CASR: variants seen among roughly 807,000 people sequenced by gnomAD.
CASR encodes the protein extracellular calcium-sensing receptor.
In CASR, 23 loss-of-function variants were observed where a neutral mutation model predicts 69.1. The ratio of observed to expected loss-of-function variants is 0.33; its 90% CI spans 0.24 to 0.47. CASR has a LOEUF of 0.47. Among genes scored for constraint, CASR ranks in the 20% least tolerant of loss-of-function variants. CASR has a pLI of 1.00. For synonymous variants in CASR, 541 were observed against 544.7 expected (o/e 0.99, Z 0.10); for missense variants, 924 against 1,356.1 (o/e 0.68, Z 5.00).
chr3:122,270,608 CTTTCT>C (rs1376452823), intron 4 of CASR, among the ~76,000 whole-genome samples: 13 of 152,076 alleles, frequency 8.5e-5, no homozygotes, highest in Non-Finnish European at 7.4e-5. Context: ...ATTTAAAAAC[CTTTCT>C]TTTCTTATAA....
At chr3:122,253,128 G>A (rs946645421) in intron 1 of CASR, among the ~76,000 whole-genome samples, 4 of 152,208 alleles carry the variant, frequency 2.6e-5, no homozygotes, top group Non-Finnish European at 5.9e-5. Context: ...ACTGAAACCA[G>A]AGACCTGCAC....
chr3:122,220,164 C>G (rs1225397047), intron 1 of CASR, among the ~76,000 whole-genome samples: 1 of 152,178 alleles, frequency 6.6e-6, no homozygotes, highest in Non-Finnish European at 1.5e-5. Flanking sequence ...GAAGAGACAC[C>G]TGATCCCAAG....
rs1163251100 is a variant in CASR at position 122,288,537 on chromosome 3, T to A, written c.*3346T>A. 2.0e-5 allele frequency: 3 copies of A among 152,204 alleles called. No homozygotes were observed. Among genetic ancestry groups the A allele is most frequent in the Non-Finnish European group, 4.4e-5 (3 of 68,074 alleles). The allele number at this position is 152,204 out of a possible 1,614,324, so 9.4% of individuals were successfully genotyped here. On this transcript the variant is annotated 3_prime_UTR_variant, in exon 7 of 7. Transcript: ENST00000639785. ...CAGAGATCTATTCCTGTTCTCACTGTGGTCCTCTTCCCTTCACCTAGCTCA... is the reference window on the plus strand; with the variant it reads ...CAGAGATCTATTCCTGTTCTCACTGAGGTCCTCTTCCCTTCACCTAGCTCA...
At chr3:122,273,838 G>C (rs79856153) in intron 4 of CASR, among the ~76,000 whole-genome samples, 45 of 152,282 alleles carry the variant, frequency 3.0e-4, no homozygotes, top group African/African-American at 1.0e-3. Flanking sequence ...CAAGAAGGAT[G>C]TGTCAGGAAA....
intron 1 of CASR, among the ~76,000 whole-genome samples, chr3:122,225,554 CAAA>C (rs33940289): frequency 0.23 from 27,450 of 120,436 alleles, 3,079 homozygotes; most frequent in African/African-American, 0.37. Flanking sequence ...CTAAAAAGTC[CAAA>C]AAAAAAAAAA....
At chr3:122,231,825 T>G (rs186657761) in intron 1 of CASR, among the ~76,000 whole-genome samples, 2 of 151,774 alleles carry the variant, frequency 1.3e-5, no homozygotes, top group South Asian at 2.1e-4. Flanking sequence ...CACTAAACAA[T>G]TTACCTTGCA....
At position 122,217,800 on chromosome 3, in the gene CASR, G is replaced by A. The variant is rs937739232; in HGVS notation, c.-243+33988G>A. Among the ~76,000 whole-genome samples, 4 of 152,068 alleles carry A rather than the reference G, an allele frequency of 2.6e-5. No individual in the cohort carries two copies. The East Asian group carries it at 7.7e-4, about 29-fold the overall frequency. On this transcript the variant is annotated intron_variant, in intron 1 of 6. Transcript: ENST00000639785. ...GACAAAATTTCAGGTACTTAGCATA[G>A]CCTGCCACAGAAAAAAAAATGTTCA...
At chr3:122,239,928 T>C (rs2074364480) in intron 1 of CASR, among the ~76,000 whole-genome samples, 1 of 152,044 alleles carries the variant, frequency 6.6e-6, no homozygotes, top group Non-Finnish European at 1.5e-5. Flanking sequence ...GAGTTACTGG[T>C]CTTAAAAAAC....
Position 122,275,941 on chromosome 3 carries a change from A to G in CASR, c.1507A>G (p.Ile503Val), listed in dbSNP as rs200910001. ...NWHLSPEDGS[I>V]VFKEVGYYNV... is the part of the protein sequence containing the mutation. Reference sequence around the variant, plus strand: ...GCACCTCTCCCCAGAGGATGGCTCCATCGTGTTTAAGGAAGTCGGGTATTA... The same window carrying G: ...GCACCTCTCCCCAGAGGATGGCTCCGTCGTGTTTAAGGAAGTCGGGTATTA... The change falls in exon 5 of 7, where the codon ATC (isoleucine) becomes GTC (valine). Residue 503 changes from isoleucine to valine, a missense_variant. Transcript: ENST00000639785. 3.1e-6 allele frequency: 5 copies of G among 1,614,116 alleles called. No homozygotes were observed. Among genetic ancestry groups the G allele is most frequent in the African/African-American group, 1.3e-5 (1 of 75,054 alleles).
rs1263584702 is a variant in CASR at position 122,284,705 on chromosome 3, G to C, written c.2751G>C (p.Lys917Asn). The C allele has an allele frequency of 1.2e-6, 2 of 1,613,828 alleles. No homozygotes were observed. Among genetic ancestry groups the C allele is most frequent in the Non-Finnish European group, 1.7e-6 (2 of 1,179,742 alleles). The change falls in exon 7 of 7, where the codon AAG becomes AAC. Residue 917 changes from lysine (K) to asparagine (N), a missense_variant. Physicochemically the swap from Lys to Asn is moderately conservative, Grantham distance 94. Coordinates refer to ENST00000639785, the MANE Select transcript of CASR (RefSeq NM_000388.4). ...GSTPSSSISS[K>N]SNSEDPFPQP... is the part of the protein sequence containing the mutation. ...CCCCCTCCTCCTCCATCAGCAGCAA[G>C]AGCAACAGCGAAGACCCATTCCCAC... is the stretch of plus-strand genomic sequence containing the variant.
intron 1 of CASR, among the ~76,000 whole-genome samples, chr3:122,235,985 G>A (rs1195644303): frequency 6.6e-6 from 1 of 152,210 alleles, no homozygotes; most frequent in East Asian, 1.9e-4. Context: ...AGGTTGGGAT[G>A]GGATTCGTGT....
At chr3:122,204,279 T>A (rs1381422408) in intron 1 of CASR, among the ~76,000 whole-genome samples, 2 of 152,194 alleles carry the variant, frequency 1.3e-5, no homozygotes. Flanking sequence ...CTCCTCTCTG[T>A]TTTCATGAGA....
intron 1 of CASR, among the ~76,000 whole-genome samples, chr3:122,233,322 A>G (rs1436996401): frequency 6.6e-6 from 1 of 152,218 alleles, no homozygotes; most frequent in Admixed American, 6.5e-5. Context: ...AGGGCTGGCC[A>G]TGAGAAGCAA....
chr3:122,231,343 G>T (rs2074276039), intron 1 of CASR, among the ~76,000 whole-genome samples: 1 of 152,192 alleles, frequency 6.6e-6, no homozygotes, highest in South Asian at 2.1e-4. Flanking sequence ...AAGTCATCAT[G>T]CTGATCAATT....
chr3:122,252,344 G>GA (rs1553765605), intron 1 of CASR, among the ~76,000 whole-genome samples: 6,100 of 48,232 alleles, frequency 0.13, 836 homozygotes, highest in African/African-American at 0.19. Flanking sequence ...GAGAAAGAAA[G>GA]AAGAAAGAAA....
At chr3:122,249,393 CT>C (rs1192072425) in intron 1 of CASR, among the ~76,000 whole-genome samples, 2 of 152,232 alleles carry the variant, frequency 1.3e-5, no homozygotes, top group African/African-American at 4.8e-5. Context: ...AAAATTTCAA[CT>C]TTCTTTCCCT....
chr3:122,191,598 C>T (rs2073840738), intron 1 of CASR, among the ~76,000 whole-genome samples: 1 of 152,140 alleles, frequency 6.6e-6, no homozygotes, highest in African/African-American at 2.4e-5. Context: ...AGGCATAAGC[C>T]ACCATGCCTG....
At chr3:122,237,898 CA>C (rs1343433794) in intron 1 of CASR, among the ~76,000 whole-genome samples, 1 of 152,178 alleles carries the variant, frequency 6.6e-6, no homozygotes, top group Non-Finnish European at 1.5e-5. Flanking sequence ...TAAAGATACA[CA>C]AATTCTATGA....
intron 1 of CASR, among the ~76,000 whole-genome samples, chr3:122,186,733 A>G (rs766585994): frequency 6.6e-5 from 10 of 152,216 alleles, no homozygotes; most frequent in Non-Finnish European, 1.0e-4. Context: ...GCCTTTCTCA[A>G]GGAGATCTCC....
Sources: gnomAD v4.1 joint callset for allele counts (sites outside exome capture counted in the v4.1 genomes callset) on GRCh38, gnomAD v4.1.1 for gene constraint, MANE v1.5 for transcripts, NCBI Gene and HGNC (gene_info 2026-07-23, HGNC 2026-07-21) for gene names.